RRP12: variants seen among roughly 807,000 people sequenced by gnomAD.
RRP12 encodes RRP12-like protein.
In RRP12, 78 loss-of-function variants were observed where a neutral mutation model predicts 157.3. The observed-to-expected ratio is 0.50, with a 90% confidence interval of 0.41 to 0.60. RRP12 has a LOEUF of 0.60. Ranked by LOEUF, RRP12 falls within the 20% of genes least tolerant of loss-of-function variation. The pLI is 0.00. For synonymous variants in RRP12, 726 were observed against 670.9 expected, an observed-to-expected ratio of 1.08 and a Z score of -1.27; for missense variants, 1,521 against 1,679.9, an observed-to-expected ratio of 0.91 and a Z score of 1.65.
intron 9 of RRP12, 52 bp from the exon 10 acceptor site, chr10:97,385,309 A>G: frequency 1.5e-6 from 2 of 1,364,702 alleles, no homozygotes; most frequent in Non-Finnish European, 2.1e-6. Context: ...GCAATAGCCC[A>G]GTGATGATGA....
chr10:97,387,782 A>G (rs1357662146), intron 8 of RRP12, among the ~76,000 whole-genome samples: 1 of 151,818 alleles, frequency 6.6e-6, no homozygotes, highest in Admixed American at 6.6e-5. Flanking sequence ...CTCTACTAAA[A>G]ATACAAAAAA....
intron 10 of RRP12, among the ~76,000 whole-genome samples, chr10:97,382,536 T>C (rs1733046269): frequency 6.6e-6 from 1 of 152,180 alleles, no homozygotes; most frequent in South Asian, 2.1e-4. Flanking sequence ...ATAAATCCTA[T>C]TATTTTTCCA....
chr10:97,390,259 G>T (rs977238217), intron 6 of RRP12, among the ~76,000 whole-genome samples, 164 bp downstream of exon 6: 1 of 152,174 alleles, frequency 6.6e-6, no homozygotes, highest in East Asian at 1.9e-4. Context: ...AGGAAGAGCC[G>T]CCCTGCCTTC....
At chr10:97,398,839 T>C (rs551627180) in intron 2 of RRP12, among the ~76,000 whole-genome samples, 19 of 152,198 alleles carry the variant, frequency 1.2e-4, no homozygotes, top group African/African-American at 4.6e-4. Flanking sequence ...AAATTTAGCA[T>C]CTAAGTAGGG....
chr10:97,358,512 C>T, intron 33 of RRP12, 25 bp downstream of exon 33: 1 of 1,588,650 alleles, frequency 6.3e-7, no homozygotes. Flanking sequence ...CTCCAGCCCC[C>T]AGCCTGCCTG....
chr10:97,363,974 C>A, intron 29 of RRP12, 71 bp from the exon 30 acceptor site: 6 of 1,430,402 alleles, frequency 4.2e-6, no homozygotes, highest in Non-Finnish European at 5.9e-6. Flanking sequence ...CTTCTGCCCC[C>A]TCCTGGCTCA....
rs145302632 is a variant in RRP12, at chr10:97,370,527, C to A, written c.2617G>T (p.Ala873Ser). Residue 873 changes from alanine (A) to serine (S), a missense_variant, in exon 23 of 34, where the codon GCA becomes TCA. By Grantham distance (99) the Ala-to-Ser change is moderately conservative. Transcript: ENST00000370992. Reference sequence around the variant, plus strand: ...AGCAGTGCAAAAGCGTTCTTCCGTGCGCCCACCGACACCTCCTTGGTGCAC... The same window carrying A: ...AGCAGTGCAAAAGCGTTCTTCCGTGAGCCCACCGACACCTCCTTGGTGCAC... The part of the protein sequence containing the change: ...ILCTKEVSVG[A>S]RKNAFALLVE... 6 of 1,611,076 alleles carry A rather than the reference C, an allele frequency of 3.7e-6. No homozygotes were observed. Among genetic ancestry groups the A allele is most frequent in the Admixed American group, 3.4e-5 (2 of 59,320 alleles).
upstream of RRP12, chr10:97,401,344 G>A (rs1199645396): frequency 3.7e-6 from 5 of 1,356,296 alleles, no homozygotes; most frequent in African/African-American, 2.9e-5. Flanking sequence ...TTCTTCTGGC[G>A]TCACTTCCGG....
intron 3 of RRP12, among the ~76,000 whole-genome samples, chr10:97,394,070 T>C (rs1200711923): frequency 6.6e-6 from 1 of 152,146 alleles, no homozygotes; most frequent in Non-Finnish European, 1.5e-5. Context: ...TGGCTGGGCG[T>C]GGTGGCTCAC....
intron 33 of RRP12, 138 bp downstream of exon 33, chr10:97,358,399 G>A: frequency 1.5e-6 from 1 of 689,442 alleles, no homozygotes; most frequent in Middle Eastern, 4.1e-4. Context: ...ACATGATATA[G>A]GTGCATGTTA....
intron 12 of RRP12, 27 bp downstream of exon 12, chr10:97,381,359 T>C: frequency 6.5e-7 from 1 of 1,536,432 alleles, no homozygotes; most frequent in Non-Finnish European, 8.9e-7. Flanking sequence ...CCACCATCCC[T>C]TCCTAACATG....
At chr10:97,373,553 C>T (rs1844219069) in intron 17 of RRP12, 22 bp downstream of exon 17, 2 of 1,573,106 alleles carry the variant, frequency 1.3e-6, no homozygotes, top group Non-Finnish European at 1.7e-6. Context: ...CCCCAGCCCC[C>T]ACTCCCACAG....
chr10:97,399,693 A>G (rs1845082423), intron 2 of RRP12, among the ~76,000 whole-genome samples: 1 of 151,768 alleles, frequency 6.6e-6, no homozygotes, highest in Non-Finnish European at 1.5e-5. Context: ...CGTCTCTACT[A>G]AAAATACACA....
At position 97,397,992 on chromosome 10, in the gene RRP12, C is replaced by CATATATATACATATACATAT. The variant is rs1564772333; in HGVS notation, c.370-1692_370-1691insATATGTATATGTATATATAT. Among the ~76,000 whole-genome samples the CATATATATACATATACATAT allele has an allele frequency of 7.0e-4, 30 of 42,784 alleles. 2 individuals are homozygous for CATATATATACATATACATAT. The highest frequency in any genetic ancestry group is 1.2e-3 in the Non-Finnish European group (27 of 22,828). 28.1% of individuals were successfully genotyped at this position (42,784 alleles called of 152,430 possible). ...TAACAAAATTGGGTAAAAAAAAATA[C>CATATATATACATATACATAT]GTATATATATATACATATATATATA... On this transcript the variant is annotated intron_variant, in intron 2 of 33. Transcript: ENST00000370992.
intron 30 of RRP12, among the ~76,000 whole-genome samples, chr10:97,361,323 C>A (rs763838741): frequency 1.7e-4 from 26 of 152,216 alleles, no homozygotes; most frequent in Non-Finnish European, 3.7e-4. Context: ...GCGGCCCCAG[C>A]CCATCAGATG....
At chr10:97,358,434 A>C (rs1843765218) in intron 33 of RRP12, 103 bp downstream of exon 33, 3 of 845,556 alleles carry the variant, frequency 3.5e-6, no homozygotes, top group Non-Finnish European at 5.8e-6. Context: ...AAGAGACTCA[A>C]ATTGAGCTGA....
rs961656296 is a variant in RRP12, at chr10:97,366,851, G to A, written c.3106C>T (p.Arg1036Trp). The change falls in exon 27 of 34, where the codon CGG (arginine) becomes TGG (tryptophan). Residue 1036 changes from arginine to tryptophan, a missense_variant. Transcript: ENST00000370992. ...EEYHRVLVNI[R>W]KAEARAKRHR... is the part of the protein sequence containing the mutation. ...CTCTTGGCCCGGGCCTCAGCTTTCCGGATGTTGACCAGGACTCTGTGGTAC... is the reference window on the plus strand; with the variant it reads ...CTCTTGGCCCGGGCCTCAGCTTTCCAGATGTTGACCAGGACTCTGTGGTAC... 44 of 1,613,976 alleles carry A rather than the reference G, an allele frequency of 2.7e-5. No homozygotes were observed. The highest frequency in any genetic ancestry group is 5.5e-5 in the South Asian group (5 of 91,084).
intron 4 of RRP12, among the ~76,000 whole-genome samples, chr10:97,391,706 G>T (rs924081002): frequency 1.4e-4 from 22 of 152,214 alleles, no homozygotes; most frequent in African/African-American, 1.9e-4. Context: ...TGGATCATGA[G>T]GTCAGGAGAT....
rs1350475974 is a variant in RRP12, at chr10:97,381,494, A to T, written c.1321-11T>A. The T allele has an allele frequency of 1.3e-6, 2 of 1,598,150 alleles. No individual in the cohort carries two copies. Among genetic ancestry groups the T allele is most frequent in the Non-Finnish European group, 8.5e-7 (1 of 1,171,932 alleles). On this transcript the variant is annotated splice_polypyrimidine_tract_variant and intron_variant, in intron 11 of 33. Transcript: ENST00000370992. Reference sequence around the variant, plus strand: ...TTCCTTCAGGATCTCCTGCGAAGAGAGGCCACAGGCTTTCTGGGCCCAAGG... The same window carrying T: ...TTCCTTCAGGATCTCCTGCGAAGAGTGGCCACAGGCTTTCTGGGCCCAAGG...
Sources: allele counts gnomAD v4.1 joint callset (sites outside exome capture counted in the v4.1 genomes callset), GRCh38; gene constraint gnomAD v4.1.1; transcripts MANE v1.5; gene names NCBI Gene and HGNC (gene_info 2026-07-23, HGNC 2026-07-21).